SP3: variants seen among roughly 807,000 people sequenced by gnomAD.
The protein encoded by SP3 is Sp3 transcription factor, also known as transcription factor Sp3.
Under a neutral mutation model 70.3 loss-of-function variants are expected in SP3, and 10 were observed. The ratio of observed to expected loss-of-function variants is 0.14; its 90% CI spans 0.09 to 0.24. The LOEUF (loss-of-function observed/expected upper bound fraction) is 0.24, where lower values mean the gene tolerates loss of function less well. SP3 is among the 10% of genes least tolerant of loss of function. The pLI, the probability that SP3 is intolerant of heterozygous loss-of-function variation, is 1.00. For missense variants in SP3, 825 were observed against 914.6 expected (o/e 0.90, Z 1.26); for synonymous variants, 402 against 333.5 (o/e 1.21, Z -2.24).
chr2:173,963,686 T>G, intron 3 of SP3, 75 bp downstream of exon 3: 5 of 519,514 alleles, frequency 9.6e-6, no homozygotes, highest in Non-Finnish European at 1.2e-5. Flanking sequence ...GGGGAGGCCT[T>G]TTGGGCAGGC....
intron 3 of SP3, among the ~76,000 whole-genome samples, chr2:173,958,093 G>GTTA (rs1196866341): frequency 2.0e-5 from 3 of 151,712 alleles, no homozygotes; most frequent in Non-Finnish European, 4.4e-5. Flanking sequence ...TCTTCTTAAG[G>GTTA]TTATTGCTCA....
intron 6 of SP3, among the ~76,000 whole-genome samples, chr2:173,911,363 C>T (rs72911137): frequency 0.043 from 6,596 of 152,144 alleles, 187 homozygotes; most frequent in South Asian, 0.091. Flanking sequence ...CCTCATTCAC[C>T]GCTACAAAAA....
chr2:173,908,219 G>A lies in SP3; in HGVS notation c.*1722C>T, dbSNP rs1229061644. The A allele has an allele frequency of 6.6e-6, 1 of 152,020 alleles. No homozygotes were observed. Among genetic ancestry groups the A allele is most frequent in the Non-Finnish European group, 1.5e-5 (1 of 67,936 alleles). The allele number at this position is 152,020 out of a possible 1,614,324, so 9.4% of individuals were successfully genotyped here. A position where few individuals can be genotyped will look rare whatever the true frequency, so the allele number is the denominator to read the frequency against. On this transcript the variant is annotated 3_prime_UTR_variant, in exon 7 of 7. Coordinates refer to ENST00000310015, the MANE Select transcript of SP3 (RefSeq NM_003111.5). ...GGTTTTCGATAAATCAAAATATTCT[G>A]CATTGCTTTAAAACGGAAAACAAAA...
At chr2:173,964,106 A>AGGCGGGC (rs1185275360) in intron 2 of SP3, 1 of 333,410 alleles carries the variant, frequency 3.0e-6, no homozygotes. Flanking sequence ...GTCCGCGGGC[A>AGGCGGGC]GGCGGGCGGC....
intron 4 of SP3, among the ~76,000 whole-genome samples, chr2:173,949,828 A>C (rs1392876674): frequency 6.6e-6 from 1 of 152,198 alleles, no homozygotes; most frequent in Non-Finnish European, 1.5e-5. Context: ...TTCCAACTTC[A>C]AACACCTGAC....
chr2:173,910,612 TAAAA>T (rs1689452693), intron 6 of SP3, among the ~76,000 whole-genome samples: 1 of 152,204 alleles, frequency 6.6e-6, no homozygotes, highest in Non-Finnish European at 1.5e-5. Context: ...AAAGTCTAAA[TAAAA>T]GTATATTCTT....
chr2:173,944,740 T>A (rs1690483238), intron 4 of SP3, among the ~76,000 whole-genome samples: 1 of 152,212 alleles, frequency 6.6e-6, no homozygotes, highest in Non-Finnish European at 1.5e-5. Flanking sequence ...CTGACTAAAT[T>A]ATGGGGTAAA....
intron 4 of SP3, among the ~76,000 whole-genome samples, chr2:173,953,083 G>A (rs1206831468): frequency 2.0e-5 from 3 of 152,164 alleles, no homozygotes; most frequent in African/African-American, 7.2e-5. Context: ...TAAAAGACAT[G>A]CAGCCCTCAA....
At chr2:173,964,830 C>G (rs950427752) in intron 1 of SP3, 4 of 480,260 alleles carry the variant, frequency 8.3e-6, no homozygotes, top group Non-Finnish European at 1.1e-5. Flanking sequence ...TCCCCTTTCC[C>G]TTCGCGCCGC....
chr2:173,955,223 T>A lies in SP3; in HGVS notation c.1289A>T (p.Asn430Ile), dbSNP rs776256444. The A allele has an allele frequency of 6.2e-7, 1 of 1,614,188 alleles. No homozygotes were observed. Among genetic ancestry groups the A allele is most frequent in the South Asian group, 1.1e-5 (1 of 91,078 alleles). The change falls in exon 4 of 7, where the codon AAT becomes ATT. Residue 430 changes from asparagine to isoleucine, a missense_variant. Around this residue, in one of 4 missense-constraint regions of SP3, gnomAD observed 678 missense variants for 651.6 expected, o/e 1.04. Transcript: ENST00000310015. Reference protein sequence around the residue: ...TIHGVQASGQNISQQALQNLQ... With the variant: ...TIHGVQASGQIISQQALQNLQ... ...ATTTTGCAAAGCCTGTTGTGATATATTTTGACCACTGGCTTGCACACCATG... is the reference window on the plus strand; with the variant it reads ...ATTTTGCAAAGCCTGTTGTGATATAATTTGACCACTGGCTTGCACACCATG...
intron 3 of SP3, among the ~76,000 whole-genome samples, chr2:173,962,218 A>C (rs538501746): frequency 6.6e-6 from 1 of 152,284 alleles, no homozygotes; most frequent in South Asian, 2.1e-4. Flanking sequence ...TACACATATT[A>C]TTCACCCATA....
In SP3 at chr2:173,909,049, A is replaced by C. The variant is rs575307660; in HGVS notation, c.*892T>G. ...TTACACTTTACTGGTAATTTACATG[A>C]TGGCTTTTAAGGCCCTGGGAGACAT... On this transcript the variant is annotated 3_prime_UTR_variant, in exon 7 of 7. Coordinates refer to ENST00000310015, the MANE Select transcript of SP3 (RefSeq NM_003111.5). 18 of 152,624 alleles carry C rather than the reference A, an allele frequency of 1.2e-4. No individual in the cohort carries two copies. The highest frequency in any genetic ancestry group is 4.1e-4 in the African/African-American group (17 of 41,566). 9.5% of individuals were successfully genotyped at this position (152,624 alleles called of 1,614,324 possible). A position where few individuals can be genotyped will look rare whatever the true frequency, so the allele number is the denominator to read the frequency against.
intron 4 of SP3, among the ~76,000 whole-genome samples, chr2:173,954,513 T>C (rs1690816824): frequency 6.6e-6 from 1 of 152,180 alleles, no homozygotes; most frequent in Non-Finnish European, 1.5e-5. Flanking sequence ...CCAAATATAA[T>C]GCATAAAAAT....
At chr2:173,911,536 A>C (rs60520162) in intron 6 of SP3, among the ~76,000 whole-genome samples, 6,244 of 152,246 alleles carry the variant, frequency 0.041, 196 homozygotes, top group Admixed American at 0.1. Flanking sequence ...GCAAGCTGTC[A>C]ATCTAGCATT....
intron 3 of SP3, among the ~76,000 whole-genome samples, chr2:173,958,717 T>C (rs565595989): frequency 9.2e-5 from 14 of 151,834 alleles, no homozygotes; most frequent in Admixed American, 8.5e-4. Context: ...AAAAAACACA[T>C]TGAATCAGAA....
chr2:173,965,485 T>G, upstream of SP3: 2 of 330,378 alleles, frequency 6.1e-6, no homozygotes, highest in Non-Finnish European at 5.6e-6. Flanking sequence ...GGCGGCGCGC[T>G]TCCTGTTTGC....
chr2:173,951,728 C>A (rs7569403), intron 4 of SP3, among the ~76,000 whole-genome samples: 5,800 of 152,256 alleles, frequency 0.038, 173 homozygotes, highest in Admixed American at 0.1. Context: ...GCAGTTTCTT[C>A]AAGTTCAGTC....
At chr2:173,938,989 G>GT (rs1690287199) in intron 4 of SP3, among the ~76,000 whole-genome samples, 1 of 152,080 alleles carries the variant, frequency 6.6e-6, no homozygotes, top group Admixed American at 6.5e-5. Flanking sequence ...CATCTAGTGG[G>GT]TAAGTCAGGA....
chr2:173,939,847 ATT>A (rs1157488482), intron 4 of SP3, among the ~76,000 whole-genome samples: 1 of 151,012 alleles, frequency 6.6e-6, no homozygotes, highest in Non-Finnish European at 1.5e-5. Flanking sequence ...TTAAAAATAA[ATT>A]TTTGTTAATG....
Sources: allele counts gnomAD v4.1 joint callset (sites outside exome capture counted in the v4.1 genomes callset), GRCh38; gene constraint gnomAD v4.1.1; regional missense constraint gnomAD v4.1.1; transcripts MANE v1.5; gene names NCBI Gene and HGNC (gene_info 2026-07-23, HGNC 2026-07-21).